The following GRIK1 variants were observed in gnomAD, a reference collection of about 807,000 sequenced individuals.
The protein encoded by GRIK1 is glutamate receptor ionotropic, kainate 1.
GRIK1 carries 69 observed loss-of-function variants against 105.7 expected under a neutral mutation model. That is an observed-to-expected ratio of 0.65 (90% CI 0.54 to 0.80). The LOEUF (loss-of-function observed/expected upper bound fraction) is 0.80. Ranked by LOEUF, GRIK1 falls within the 30% of genes least tolerant of loss-of-function variation. The pLI is 0.00. For missense variants in GRIK1, 1,109 were observed against 1,167.3 expected (o/e 0.95, Z 0.73); for synonymous variants, 438 against 431.3 (o/e 1.02, Z -0.19).
intron 1 of GRIK1, among the ~76,000 whole-genome samples, chr21:29,775,146 G>A (rs947111823): frequency 4.0e-5 from 6 of 151,748 alleles, no homozygotes; most frequent in Admixed American, 6.6e-5. Flanking sequence ...GCGAAACCCC[G>A]TCTCTACTGA....
intron 15 of GRIK1, among the ~76,000 whole-genome samples, chr21:29,555,511 C>A (rs2146129975): frequency 6.6e-6 from 1 of 152,260 alleles, no homozygotes; most frequent in East Asian, 1.9e-4. Flanking sequence ...TTGAGATTAA[C>A]TTTGGCCCCG....
intron 1 of GRIK1, among the ~76,000 whole-genome samples, chr21:29,933,567 C>G (rs2071645382): frequency 6.6e-6 from 1 of 152,074 alleles, no homozygotes; most frequent in Admixed American, 6.5e-5. Context: ...TGCTTACTTG[C>G]TCAAATAGGT....
At chr21:29,915,402 A>G (rs779192985) in intron 1 of GRIK1, among the ~76,000 whole-genome samples, 1 of 152,028 alleles carries the variant, frequency 6.6e-6, no homozygotes, top group Non-Finnish European at 1.5e-5. Context: ...TAAATCATTA[A>G]TTCATTCATC....
At chr21:29,876,112 ATGTGTGTGTGTG>A (rs1555903193) in intron 1 of GRIK1, among the ~76,000 whole-genome samples, 2 of 148,976 alleles carry the variant, frequency 1.3e-5, no homozygotes, top group Admixed American at 1.3e-4. Flanking sequence ...GGAGATAGAT[ATGTGTGTGTGTG>A]TGTGTGTGTG....
chr21:29,791,279 C>T (rs541451703), intron 1 of GRIK1, among the ~76,000 whole-genome samples: 39 of 151,822 alleles, frequency 2.6e-4, no homozygotes, highest in African/African-American at 8.9e-4. Flanking sequence ...AGATATCTCC[C>T]GATTAGAATT....
chr21:29,670,036 G>A (rs1371608660), intron 4 of GRIK1, among the ~76,000 whole-genome samples: 1 of 152,100 alleles, frequency 6.6e-6, no homozygotes, highest in Non-Finnish European at 1.5e-5. Flanking sequence ...TTCCAATGAA[G>A]CCCCATTAAG....
chr21:29,654,432 G>A (rs2062804944), intron 5 of GRIK1, among the ~76,000 whole-genome samples: 1 of 152,118 alleles, frequency 6.6e-6, no homozygotes, highest in Non-Finnish European at 1.5e-5. Flanking sequence ...AGGCAGCAAA[G>A]CCACATCAAA....
chr21:29,910,729 C>T (rs1255557362), intron 1 of GRIK1, among the ~76,000 whole-genome samples: 1 of 152,040 alleles, frequency 6.6e-6, no homozygotes, highest in South Asian at 2.1e-4. Context: ...TGTTGTACTG[C>T]ATCCTATACT....
At chr21:29,625,168 C>T (rs898053590) in intron 7 of GRIK1, among the ~76,000 whole-genome samples, 1 of 152,122 alleles carries the variant, frequency 6.6e-6, no homozygotes, top group African/African-American at 2.4e-5. Flanking sequence ...TAATATATAC[C>T]TCACGCCATT....
chr21:29,741,953 A>C (rs868205112), intron 1 of GRIK1, among the ~76,000 whole-genome samples: 5 of 152,166 alleles, frequency 3.3e-5, no homozygotes, highest in East Asian at 1.9e-4. Flanking sequence ...GTCCTTTTGA[A>C]AGCTCTGGGT....
At chr21:29,796,732 T>C (rs1219043362) in intron 1 of GRIK1, among the ~76,000 whole-genome samples, 2 of 152,092 alleles carry the variant, frequency 1.3e-5, no homozygotes, top group African/African-American at 4.8e-5. Flanking sequence ...GCAGATCACT[T>C]GAGGCCAAAA....
chr21:29,627,186 A>G (rs1291516450), intron 7 of GRIK1, among the ~76,000 whole-genome samples: 1 of 152,222 alleles, frequency 6.6e-6, no homozygotes, highest in Admixed American at 6.5e-5. Flanking sequence ...CTTATATATA[A>G]TAACTATGTA....
chr21:29,798,747 G>T (rs576586736), intron 1 of GRIK1, among the ~76,000 whole-genome samples: 1 of 152,086 alleles, frequency 6.6e-6, no homozygotes, highest in East Asian at 1.9e-4. Flanking sequence ...AGCCTCTTTG[G>T]GTTGCTCAAA....
rs188737508 is a variant in GRIK1 at position 29,540,749 on chromosome 21, G to C, written c.2608-2865C>G. ...CCATAGAAACATTATTTTAAAGTAT[G>C]TTGGTTTAAATTCCTAAATCCTACT... On this transcript the variant is annotated intron_variant, in intron 16 of 17. Coordinates refer to ENST00000327783, the MANE Select transcript of GRIK1 (RefSeq NM_001330994.2). Among the ~76,000 whole-genome samples the C allele has an allele frequency of 4.2e-4, 64 of 152,220 alleles. 1 individual carries two copies. The highest frequency in any genetic ancestry group is 4.2e-3 in the Admixed American group (64 of 15,284).
At chr21:29,830,827 G>A (rs929432337) in intron 1 of GRIK1, among the ~76,000 whole-genome samples, 1 of 152,172 alleles carries the variant, frequency 6.6e-6, no homozygotes, top group Non-Finnish European at 1.5e-5. Flanking sequence ...TGTGTCTGAT[G>A]AACATAGAGA....
At chr21:29,693,133 G>A (rs955857588) in intron 2 of GRIK1, among the ~76,000 whole-genome samples, 4 of 152,206 alleles carry the variant, frequency 2.6e-5, no homozygotes, top group African/African-American at 9.6e-5. Context: ...CTGGGGTGAT[G>A]AGTAGCCTTT....
chr21:29,759,852 G>T (rs191933875), intron 1 of GRIK1, among the ~76,000 whole-genome samples: 6 of 152,274 alleles, frequency 3.9e-5, no homozygotes, highest in Admixed American at 3.3e-4. Context: ...AGATTGGTTT[G>T]TCCTAGGCTA....
At chr21:29,642,993 A>G (rs372982120) in intron 6 of GRIK1, 24 bp from the exon 7 acceptor site, 1 of 1,607,200 alleles carries the variant, frequency 6.2e-7, no homozygotes, top group African/African-American at 1.3e-5. Context: ...CACACACCGC[A>G]TCTTAAATTC....
At chr21:29,786,463 C>G (rs988247512) in intron 1 of GRIK1, among the ~76,000 whole-genome samples, 1 of 151,568 alleles carries the variant, frequency 6.6e-6, no homozygotes, top group Non-Finnish European at 1.5e-5. Flanking sequence ...TTGAGGGCCA[C>G]CTTCGACCCT....
Sources: gnomAD v4.1 joint callset for allele counts (sites outside exome capture counted in the v4.1 genomes callset) on GRCh38, gnomAD v4.1.1 for gene constraint, MANE v1.5 for transcripts, NCBI Gene and HGNC (gene_info 2026-07-23, HGNC 2026-07-21) for gene names.